ANKRD11: variants seen among roughly 807,000 people sequenced by gnomAD.
The protein encoded by ANKRD11 is ankyrin repeat domain-containing protein 11.
ANKRD11 carries 17 observed loss-of-function variants against 195.7 expected under a neutral mutation model. That is an observed-to-expected ratio of 0.09 (90% CI 0.06 to 0.13). ANKRD11 has a LOEUF of 0.13. Among genes scored for constraint, ANKRD11 ranks in the 10% least tolerant of loss-of-function variants. ANKRD11 has a pLI of 1.00. For missense variants in ANKRD11, 3,735 were observed against 3,566.1 expected (o/e 1.05, Z -1.21); for synonymous variants, 1,953 against 1,528.1 (o/e 1.28, Z -6.49).
At chr16:89,352,125 A>C (rs1383054366) in intron 2 of ANKRD11, among the ~76,000 whole-genome samples, 1 of 152,116 alleles carries the variant, frequency 6.6e-6, no homozygotes, top group Non-Finnish European at 1.5e-5. Context: ...TCCTGACCTC[A>C]AGTGATCCGC....
At chr16:89,486,540 C>G (rs1333417005) in intron 1 of ANKRD11, among the ~76,000 whole-genome samples, 3 of 151,840 alleles carry the variant, frequency 2.0e-5, no homozygotes, top group African/African-American at 7.3e-5. Context: ...GGGGGATCTG[C>G]ATGAGATGGC....
At chr16:89,364,009 A>T (rs1169119304) in intron 2 of ANKRD11, among the ~76,000 whole-genome samples, 1 of 151,768 alleles carries the variant, frequency 6.6e-6, no homozygotes, top group Non-Finnish European at 1.5e-5. Context: ...GTGGTGAGCT[A>T]TCATTGTGCC....
intron 1 of ANKRD11, among the ~76,000 whole-genome samples, chr16:89,432,947 T>TCC (rs1361250089): frequency 1.6e-3 from 27 of 16,990 alleles, no homozygotes; most frequent in African/African-American, 3.9e-3. Flanking sequence ...AGACCCTATC[T>TCC]CTCTCTCTCT....
At chr16:89,449,924 C>G (rs1054068615) in intron 1 of ANKRD11, among the ~76,000 whole-genome samples, 1 of 152,180 alleles carries the variant, frequency 6.6e-6, no homozygotes, top group Non-Finnish European at 1.5e-5. Flanking sequence ...GTCCTGGCTA[C>G]AGGTCCCAGC....
At position 89,290,685 on chromosome 16, in the gene ANKRD11, C is replaced by T. The variant is rs777123332; in HGVS notation, c.541G>A (p.Ala181Thr). 4.6e-5 allele frequency: 74 copies of T among 1,613,856 alleles called. 1 individual carries two copies. In the Middle Eastern group the frequency reaches 6.6e-4, roughly 14 times the overall value. Residue 181 changes from alanine to threonine, a missense_variant, in exon 6 of 13, where the codon GCC (alanine) becomes ACC (threonine). Coordinates refer to ENST00000301030, the MANE Select transcript of ANKRD11 (RefSeq NM_013275.6). The stretch of plus-strand genomic sequence containing the variant: ...CTGATGAGCTCTTTGATGCGCCGGG[C>T]GTCCCCGCGGATGGCGGCTCGGTGC... ...RLHRAAIRGD[A>T]RRIKELISEG... is the part of the protein sequence containing the mutation.
chr16:89,415,105 C>T (rs2042241427), intron 2 of ANKRD11, among the ~76,000 whole-genome samples: 1 of 152,052 alleles, frequency 6.6e-6, no homozygotes, highest in African/African-American at 2.4e-5. Flanking sequence ...GCATGCATGC[C>T]ACCATGCCTG....
At chr16:89,382,413 C>A (rs1255747737) in intron 2 of ANKRD11, among the ~76,000 whole-genome samples, 1 of 152,110 alleles carries the variant, frequency 6.6e-6, no homozygotes, top group Non-Finnish European at 1.5e-5. Flanking sequence ...GCCACCTCCG[C>A]CTCCCAGGTT....
Position 89,365,908 on chromosome 16 carries a change from T to C in ANKRD11, c.-59-48830A>G, listed in dbSNP as rs552460619. Among the ~76,000 whole-genome samples the C allele has an allele frequency of 3.0e-4, 46 of 152,222 alleles. No homozygotes were observed. In the East Asian group the frequency reaches 6.6e-3, roughly 22 times the overall value. On this transcript the variant is annotated intron_variant, in intron 2 of 12. Coordinates refer to ENST00000301030, the MANE Select transcript of ANKRD11 (RefSeq NM_013275.6). ...CCCAGTGTCTGCTGGTCCCTCTCTGTGTCCACGTGTTCTCATCATTTCGTT... is the reference window on the plus strand; with the variant it reads ...CCCAGTGTCTGCTGGTCCCTCTCTGCGTCCACGTGTTCTCATCATTTCGTT...
At chr16:89,341,421 A>AC (rs2038652994) in intron 2 of ANKRD11, among the ~76,000 whole-genome samples, 1 of 152,128 alleles carries the variant, frequency 6.6e-6, no homozygotes, top group African/African-American at 2.4e-5. Context: ...ACGTGAACAG[A>AC]CCCCACCAAG....
At chr16:89,385,904 TC>T (rs2040888226) in intron 2 of ANKRD11, among the ~76,000 whole-genome samples, 1 of 152,162 alleles carries the variant, frequency 6.6e-6, no homozygotes, top group African/African-American at 2.4e-5. Flanking sequence ...AACCCGGTGG[TC>T]CCCACTCCCA....
At chr16:89,354,255 A>AG (rs1009865695) in intron 2 of ANKRD11, among the ~76,000 whole-genome samples, 2 of 151,904 alleles carry the variant, frequency 1.3e-5, no homozygotes, top group Admixed American at 6.6e-5. Flanking sequence ...AAAAAAAAAA[A>AG]AAAAAGAAAA....
At chr16:89,323,007 C>A in intron 2 of ANKRD11, 1 of 299,470 alleles carries the variant, frequency 3.3e-6, no homozygotes, top group South Asian at 2.7e-5. Flanking sequence ...CCATGCCCGG[C>A]TAATTTCTGT....
At chr16:89,452,358 G>C (rs1205696797) in intron 1 of ANKRD11, among the ~76,000 whole-genome samples, 4 of 152,202 alleles carry the variant, frequency 2.6e-5, no homozygotes, top group African/African-American at 9.7e-5. Flanking sequence ...AAGAGGGCAA[G>C]GTAGGGAGGA....
In ANKRD11 at chr16:89,281,272, G is replaced by A. The variant is rs1406602469; in HGVS notation, c.5270C>T (p.Ser1757Phe). The stretch of plus-strand genomic sequence containing the variant: ...GGAGAACCTGTCGAAAAAGGAGGGG[G>A]AGCAGGCGCTGGTGGGAGCGGTGGG... The part of the protein sequence containing the change: ...PVPTAPTSAC[S>F]PSFFDRFSVA... The change falls in exon 9 of 13, where the codon TCC becomes TTC. Residue 1757 changes from serine (S) to phenylalanine (F), a missense_variant. By Grantham distance (155) the Ser-to-Phe change is radical. Transcript: ENST00000301030. The surrounding 1 kb of genome is among the most constrained non-coding windows in gnomAD (Gnocchi z 5.5). The A allele has an allele frequency of 6.2e-7, 1 of 1,614,150 alleles. No homozygotes were observed. Among genetic ancestry groups the A allele is most frequent in the Admixed American group, 1.7e-5 (1 of 60,014 alleles).
In ANKRD11 at chr16:89,268,380, C is replaced by A. The variant is rs1299328954; in HGVS notation, c.*98G>T. 8.6e-6 allele frequency: 5 copies of A among 583,580 alleles called. No homozygotes were observed. Among genetic ancestry groups the A allele is most frequent in the Non-Finnish European group, 1.5e-5 (5 of 337,712 alleles). 36.2% of individuals were successfully genotyped at this position (583,580 alleles called of 1,614,324 possible). ...GTCTCTCTCGGGGTCTCTCCCCGCCCGGGTGGACAGGGCGCTCCCTCCTCC... is the reference window on the plus strand; with the variant it reads ...GTCTCTCTCGGGGTCTCTCCCCGCCAGGGTGGACAGGGCGCTCCCTCCTCC... On this transcript the variant is annotated 3_prime_UTR_variant, in exon 13 of 13. Coordinates refer to ENST00000301030, the MANE Select transcript of ANKRD11 (RefSeq NM_013275.6).
chr16:89,337,262 C>T (rs2038411980), intron 2 of ANKRD11, among the ~76,000 whole-genome samples: 1 of 151,798 alleles, frequency 6.6e-6, no homozygotes, highest in South Asian at 2.1e-4. Flanking sequence ...TGCCCAAATG[C>T]TCCCAAGGAA....
intron 2 of ANKRD11, among the ~76,000 whole-genome samples, chr16:89,384,398 G>A (rs577167325): frequency 7.2e-5 from 11 of 152,274 alleles, no homozygotes; most frequent in African/African-American, 2.6e-4. Flanking sequence ...AGGCGTAGTG[G>A]TGCATGGCTG....
At chr16:89,288,264 C>A in intron 7 of ANKRD11, 1 of 638,416 alleles carries the variant, frequency 1.6e-6, no homozygotes, top group Non-Finnish European at 2.8e-6. Context: ...CTGCTCAAAT[C>A]CAACCAGACC....
intron 2 of ANKRD11, among the ~76,000 whole-genome samples, chr16:89,410,107 G>A (rs2152204856): frequency 6.6e-6 from 1 of 152,278 alleles, no homozygotes; most frequent in Admixed American, 6.5e-5. Flanking sequence ...CCAAAGTGCT[G>A]GGATTACAGG....
Sources: gnomAD v4.1 joint callset for allele counts (sites outside exome capture counted in the v4.1 genomes callset) on GRCh38, gnomAD v4.1.1 for gene constraint, Gnocchi (gnomAD v3.1) non-coding constraint, MANE v1.5 for transcripts, NCBI Gene and HGNC (gene_info 2026-07-23, HGNC 2026-07-21) for gene names.